GRM1: variants seen among roughly 807,000 people sequenced by gnomAD.
The protein encoded by GRM1 is glutamate metabotropic receptor 1, also known as metabotropic glutamate receptor 1.
Under a neutral mutation model 90.9 loss-of-function variants are expected in GRM1, and 33 were observed. The observed-to-expected ratio is 0.36, with a 90% CI of 0.28 to 0.49. The LOEUF (loss-of-function observed/expected upper bound fraction) is 0.49, where lower values mean the gene tolerates loss of function less well. Among genes scored for constraint, GRM1 ranks in the 20% least tolerant of loss-of-function variants. GRM1 has a pLI of 0.99. For synonymous variants in GRM1, 700 were observed against 613.2 expected, an observed-to-expected ratio of 1.14 and a Z score of -2.09; for missense variants, 1,190 against 1,534.3, an observed-to-expected ratio of 0.78 and a Z score of 3.75.
At chr6:146,322,785 G>A (rs1489971404) in intron 3 of GRM1, among the ~76,000 whole-genome samples, 1 of 151,816 alleles carries the variant, frequency 6.6e-6, no homozygotes, top group African/African-American at 2.4e-5. Context: ...CCCAGTGTGG[G>A]ATGTTCCCCT....
intron 2 of GRM1, among the ~76,000 whole-genome samples, chr6:146,253,108 T>C (rs559525168): frequency 2.6e-5 from 4 of 152,120 alleles, no homozygotes; most frequent in Non-Finnish European, 4.4e-5. Flanking sequence ...ATATTAGAAT[T>C]TATTATTTAA....
chr6:146,333,558 G>A (rs113099342), intron 3 of GRM1, among the ~76,000 whole-genome samples: 3 of 152,272 alleles, frequency 2.0e-5, no homozygotes, highest in African/African-American at 4.8e-5. Context: ...AGAAATGACA[G>A]TTATATCTTA....
chr6:146,366,434 AT>A (rs1471622627), intron 5 of GRM1, among the ~76,000 whole-genome samples: 1 of 151,966 alleles, frequency 6.6e-6, no homozygotes, highest in Non-Finnish European at 1.5e-5. Context: ...AAACACTAGC[AT>A]TTATTTTTTC....
intron 5 of GRM1, among the ~76,000 whole-genome samples, chr6:146,375,257 T>G (rs1160380766): frequency 6.6e-6 from 1 of 152,058 alleles, no homozygotes; most frequent in African/African-American, 2.4e-5. Context: ...TATTTAAATT[T>G]TTTGAATGTA....
chr6:146,432,107 A>C (rs73579082), intron 7 of GRM1, among the ~76,000 whole-genome samples: 3 of 152,312 alleles, frequency 2.0e-5, no homozygotes, highest in African/African-American at 7.2e-5. Flanking sequence ...ATTTTTAAAA[A>C]CTTTACAAGC....
intron 7 of GRM1, among the ~76,000 whole-genome samples, chr6:146,427,796 A>G (rs943830573): frequency 6.6e-6 from 1 of 152,220 alleles, no homozygotes; most frequent in African/African-American, 2.4e-5. Context: ...TAATTCTCCC[A>G]AGCTCAGAAG....
At chr6:146,430,352 G>A (rs1408986287) in intron 7 of GRM1, among the ~76,000 whole-genome samples, 2 of 152,148 alleles carry the variant, frequency 1.3e-5, no homozygotes, top group Non-Finnish European at 2.9e-5. Context: ...GCCTAACAGT[G>A]TTTTCCTCCA....
At chr6:146,334,159 C>A (rs749353745) in intron 3 of GRM1, among the ~76,000 whole-genome samples, 25 of 152,152 alleles carry the variant, frequency 1.6e-4, no homozygotes, top group Non-Finnish European at 2.6e-4. Flanking sequence ...CTGCAGAACT[C>A]CAAGGGCACC....
chr6:146,236,970 G>T (rs551209516), intron 2 of GRM1, among the ~76,000 whole-genome samples: 1 of 152,212 alleles, frequency 6.6e-6, no homozygotes, highest in Non-Finnish European at 1.5e-5. Context: ...TGTCACAAGA[G>T]TTCACACTTC....
At chr6:146,390,809 C>G (rs534724852) in intron 6 of GRM1, among the ~76,000 whole-genome samples, 1 of 152,054 alleles carries the variant, frequency 6.6e-6, no homozygotes, top group Non-Finnish European at 1.5e-5. Flanking sequence ...ATGAAACTAG[C>G]CATGTAAACA....
At chr6:146,065,290 G>A (rs778367440) in intron 1 of GRM1, among the ~76,000 whole-genome samples, 3 of 152,092 alleles carry the variant, frequency 2.0e-5, no homozygotes, top group Non-Finnish European at 2.9e-5. Context: ...TGTGAACCAC[G>A]TTCAGATCTA....
intron 2 of GRM1, among the ~76,000 whole-genome samples, chr6:146,181,138 C>T (rs1778536540): frequency 6.6e-6 from 1 of 151,902 alleles, no homozygotes; most frequent in African/African-American, 2.4e-5. Context: ...TTTGCAGTGC[C>T]CATGGATAAC....
At chr6:146,179,885 T>A (rs1455068073) in intron 2 of GRM1, among the ~76,000 whole-genome samples, 6 of 152,060 alleles carry the variant, frequency 3.9e-5, no homozygotes, top group Non-Finnish European at 8.8e-5. Flanking sequence ...AAAACTCTTC[T>A]TTTCCCAGCA....
At chr6:146,157,178 A>G (rs191198207) in intron 1 of GRM1, among the ~76,000 whole-genome samples, 1 of 152,290 alleles carries the variant, frequency 6.6e-6, no homozygotes, top group East Asian at 1.9e-4. Flanking sequence ...TGGAGCAGAG[A>G]AAGAAAATCC....
chr6:146,292,121 C>T (rs1240953810), intron 2 of GRM1, among the ~76,000 whole-genome samples: 1 of 151,852 alleles, frequency 6.6e-6, no homozygotes, highest in Non-Finnish European at 1.5e-5. Context: ...AATGCTGGAC[C>T]CTTCCCTCAC....
chr6:146,184,871 A>G (rs564432421), intron 2 of GRM1, among the ~76,000 whole-genome samples: 2 of 152,264 alleles, frequency 1.3e-5, no homozygotes, highest in African/African-American at 4.8e-5. Flanking sequence ...AAAAATGTTT[A>G]CCTTGAAAAG....
intron 2 of GRM1, among the ~76,000 whole-genome samples, chr6:146,239,762 T>TCA (rs1780783461): frequency 2.6e-5 from 4 of 152,142 alleles, no homozygotes; most frequent in Admixed American, 6.6e-5. Flanking sequence ...AATCTAATGG[T>TCA]TCTCATCAGA....
Position 146,029,560 on chromosome 6 carries a change from G to C in GRM1, c.43G>C (p.Glu15Gln). 1 of 1,614,130 alleles carries C rather than the reference G, an allele frequency of 6.2e-7. No homozygotes were observed. Among genetic ancestry groups the C allele is most frequent in the Non-Finnish European group, 8.5e-7 (1 of 1,180,026 alleles). The change falls in exon 1 of 8, where the codon GAG becomes CAG. Residue 15 changes from glutamate to glutamine, a missense_variant. By Grantham distance (29) the Glu-to-Gln change is conservative. Transcript: ENST00000282753. ...GTTTTTTTTCCCAGCGATCTTTTTG[G>C]AGGTGTCCCTTCTCCCCAGAAGCCC... Reference protein sequence around the residue: ...LLFFFPAIFLEVSLLPRSPGR... With the variant: ...LLFFFPAIFLQVSLLPRSPGR...
Position 146,029,146 on chromosome 6 carries a change from C to T in GRM1, c.-372C>T, listed in dbSNP as rs931038424. ...AACATTATAGACCCCAGAGTTTTAA[C>T]ACAGGTCCTCTGATGACAAGGTTGT... On this transcript the variant is annotated 5_prime_UTR_variant, in exon 1 of 8. Coordinates refer to ENST00000282753, the MANE Select transcript of GRM1 (RefSeq NM_001278064.2). The T allele has an allele frequency of 2.8e-6, 1 of 352,338 alleles. No individual in the cohort carries two copies. The highest frequency in any genetic ancestry group is 2.1e-5 in the African/African-American group (1 of 47,238). The allele number at this position is 352,338 out of a possible 1,614,324, so 21.8% of individuals were successfully genotyped here.
Sources: gnomAD v4.1 joint callset for allele counts (sites outside exome capture counted in the v4.1 genomes callset) on GRCh38, gnomAD v4.1.1 for gene constraint, MANE v1.5 for transcripts, NCBI Gene and HGNC (gene_info 2026-07-23, HGNC 2026-07-21) for gene names.